Variants in BACH2 observed in about 807,000 individuals in gnomAD.
The protein encoded by BACH2 is BACH transcriptional regulator 2.
A neutral mutation model predicts 61.8 loss-of-function variants in BACH2; 5 were observed. That is an observed-to-expected ratio of 0.08 (90% CI 0.04 to 0.17). BACH2 has a LOEUF of 0.17. BACH2 is among the 10% of genes least tolerant of loss of function. The pLI is 1.00. For synonymous variants in BACH2, 446 were observed against 440.1 expected, an observed-to-expected ratio of 1.01 and a Z score of -0.17; for missense variants, 824 against 1,091.1, an observed-to-expected ratio of 0.76 and a Z score of 3.45.
intron 4 of BACH2, among the ~76,000 whole-genome samples, chr6:90,102,791 A>AAATAATAATAATAATAAT (rs372366852): frequency 3.5e-5 from 4 of 113,682 alleles, no homozygotes; most frequent in African/African-American, 6.6e-5. Context: ...ACTCCATTTC[A>AAATAATAATAATAATAAT]AATAATAATA....
chr6:90,278,868 A>C (rs1434129233), intron 1 of BACH2, among the ~76,000 whole-genome samples: 1 of 152,194 alleles, frequency 6.6e-6, no homozygotes, highest in Non-Finnish European at 1.5e-5. Flanking sequence ...TGAACCACAT[A>C]TAATTTTAAA....
chr6:89,961,186 G>A (rs912960063), intron 6 of BACH2, among the ~76,000 whole-genome samples: 1 of 151,934 alleles, frequency 6.6e-6, no homozygotes, highest in Non-Finnish European at 1.5e-5. Context: ...AAAAGCATAC[G>A]GTGAAAACAG....
intron 4 of BACH2, among the ~76,000 whole-genome samples, chr6:90,191,482 T>G (rs1321088711): frequency 6.6e-6 from 1 of 152,238 alleles, no homozygotes; most frequent in Non-Finnish European, 1.5e-5. Context: ...TTGTGTTTAG[T>G]TCATTGCAAA....
At chr6:90,059,671 C>T (rs959846891) in intron 5 of BACH2, among the ~76,000 whole-genome samples, 1 of 152,050 alleles carries the variant, frequency 6.6e-6, no homozygotes, top group Non-Finnish European at 1.5e-5. Flanking sequence ...AAGACACATG[C>T]ACACGTATGT....
intron 5 of BACH2, among the ~76,000 whole-genome samples, chr6:90,057,397 C>T (rs1366057614): frequency 6.6e-6 from 1 of 152,220 alleles, no homozygotes; most frequent in Admixed American, 6.5e-5. Flanking sequence ...TTCCTCGACA[C>T]ATACATCCTC....
chr6:90,280,924 C>A (rs573708716), intron 1 of BACH2, among the ~76,000 whole-genome samples: 1 of 152,366 alleles, frequency 6.6e-6, no homozygotes, highest in South Asian at 2.1e-4. Flanking sequence ...TCTCTCCCAA[C>A]ATCTCCTCTT....
At chr6:90,269,595 CAAAAGA>C (rs1771455303) in intron 2 of BACH2, among the ~76,000 whole-genome samples, 1 of 152,122 alleles carries the variant, frequency 6.6e-6, no homozygotes, top group African/African-American at 2.4e-5. Flanking sequence ...TAACCAGCAT[CAAAAGA>C]CAGGGCACAT....
chr6:90,249,582 G>A (rs749766853), intron 3 of BACH2, among the ~76,000 whole-genome samples: 1 of 152,142 alleles, frequency 6.6e-6, no homozygotes, highest in Non-Finnish European at 1.5e-5. Flanking sequence ...ACCAGCCTGA[G>A]CAACATGGTG....
At chr6:90,093,466 C>G (rs1320178548) in intron 4 of BACH2, among the ~76,000 whole-genome samples, 4 of 152,192 alleles carry the variant, frequency 2.6e-5, no homozygotes, top group African/African-American at 4.8e-5. Flanking sequence ...TTCAATATCT[C>G]TGCTGTCCAA....
At chr6:90,127,519 T>A (rs2127822108) in intron 4 of BACH2, among the ~76,000 whole-genome samples, 1 of 152,306 alleles carries the variant, frequency 6.6e-6, no homozygotes, top group East Asian at 1.9e-4. Flanking sequence ...ACACAAATAA[T>A]TCATCTTCCT....
intron 4 of BACH2, among the ~76,000 whole-genome samples, chr6:90,093,244 T>G (rs1373189124): frequency 6.6e-6 from 1 of 152,164 alleles, no homozygotes. Context: ...TGTCTATCAG[T>G]CTCAAAGAGA....
At chr6:90,256,136 T>G (rs1770970998) in intron 2 of BACH2, among the ~76,000 whole-genome samples, 1 of 152,090 alleles carries the variant, frequency 6.6e-6, no homozygotes, top group South Asian at 2.1e-4. Flanking sequence ...ACATAAAACG[T>G]ACAGTGTGAT....
chr6:90,052,269 A>G (rs970310529), intron 5 of BACH2, among the ~76,000 whole-genome samples: 8 of 152,204 alleles, frequency 5.3e-5, no homozygotes, highest in Admixed American at 4.6e-4. Context: ...TTGGAGAAAC[A>G]TGAAATTTCT....
chr6:90,285,225 T>C (rs1313618083), intron 1 of BACH2, among the ~76,000 whole-genome samples: 2 of 152,160 alleles, frequency 1.3e-5, no homozygotes, highest in Non-Finnish European at 2.9e-5. Flanking sequence ...TGAGGTCAAG[T>C]TTTTTGTTTT....
chr6:90,061,775 T>C (rs9451336), intron 5 of BACH2, among the ~76,000 whole-genome samples: 4,862 of 152,012 alleles, frequency 0.032, 235 homozygotes, highest in East Asian at 0.14. Context: ...AAGGGAGTGA[T>C]TGACTGTGCT....
At chr6:90,090,817 T>A (rs9451352) in intron 4 of BACH2, among the ~76,000 whole-genome samples, 1 of 151,964 alleles carries the variant, frequency 6.6e-6, no homozygotes, top group African/African-American at 2.4e-5. Flanking sequence ...TCTAGAGTAG[T>A]GAGGCCTTGT....
intron 4 of BACH2, among the ~76,000 whole-genome samples, chr6:90,164,103 C>CA (rs758226156): frequency 2.1e-3 from 324 of 152,138 alleles, no homozygotes; most frequent in Non-Finnish European, 3.6e-3. Flanking sequence ...AAAAAACCTT[C>CA]AAAAAATCAA....
intron 8 of BACH2, among the ~76,000 whole-genome samples, chr6:89,934,174 G>A (rs954999986): frequency 1.3e-5 from 2 of 152,160 alleles, no homozygotes; most frequent in Non-Finnish European, 2.9e-5. Flanking sequence ...CTGGAGCAGC[G>A]ATTCTCCCCG....
intron 4 of BACH2, among the ~76,000 whole-genome samples, chr6:90,141,379 C>T (rs1302395631): frequency 6.6e-6 from 1 of 151,990 alleles, no homozygotes; most frequent in African/African-American, 2.4e-5. Flanking sequence ...CGGGGTTTCA[C>T]CATGTTGACC....
Sources: allele counts gnomAD v4.1 joint callset (sites outside exome capture counted in the v4.1 genomes callset), GRCh38; gene constraint gnomAD v4.1.1; transcripts MANE v1.5; gene names NCBI Gene and HGNC (gene_info 2026-07-23, HGNC 2026-07-21).